GPC5: variants seen among roughly 807,000 people sequenced by gnomAD.
GPC5 encodes glypican-5.
In GPC5, 47 loss-of-function variants were observed where a neutral mutation model predicts 53.9. The ratio of observed to expected loss-of-function variants is 0.87; its 90% CI spans 0.69 to 1.11. GPC5 has a LOEUF of 1.11. GPC5 is among the 50% of genes most tolerant of loss of function. GPC5 has a pLI of 0.00. For synonymous variants in GPC5, 286 were observed against 263.3 expected (o/e 1.09, Z -0.84); for missense variants, 748 against 713.1 (o/e 1.05, Z -0.56).
At chr13:92,629,297 T>A (rs1885158851) in intron 7 of GPC5, among the ~76,000 whole-genome samples, 1 of 152,208 alleles carries the variant, frequency 6.6e-6, no homozygotes, top group South Asian at 2.1e-4. Flanking sequence ...TTAACTTGAC[T>A]GGAGGAAGAC....
At chr13:92,741,910 T>G (rs1417251100) in intron 7 of GPC5, among the ~76,000 whole-genome samples, 1 of 152,162 alleles carries the variant, frequency 6.6e-6, no homozygotes, top group Non-Finnish European at 1.5e-5. Flanking sequence ...ACAAAGGACA[T>G]GAACCCATCC....
chr13:92,354,305 A>G (rs2043504680), intron 7 of GPC5, among the ~76,000 whole-genome samples: 1 of 152,238 alleles, frequency 6.6e-6, no homozygotes, highest in Non-Finnish European at 1.5e-5. Context: ...TTGATACAAC[A>G]ACAGTAATAT....
chr13:91,840,811 T>G (rs1161711585), intron 5 of GPC5, among the ~76,000 whole-genome samples: 3 of 151,820 alleles, frequency 2.0e-5, no homozygotes, highest in Non-Finnish European at 4.4e-5. Context: ...GTATCCATTT[T>G]AAACACTTGG....
Position 91,959,098 on chromosome 13 carries a change from AC to A in GPC5, c.1401+51042del, listed in dbSNP as rs1566364067. ...CACACACACACACACACACACACAC[AC>A]ACATCAATGATGAAACAGAAAGTTG... On this transcript the variant is annotated intron_variant, in intron 6 of 7. Coordinates refer to ENST00000377067, the MANE Select transcript of GPC5 (RefSeq NM_004466.6). Among the ~76,000 whole-genome samples the A allele has an allele frequency of 9.0e-4, 134 of 149,430 alleles. 1 individual carries two copies. Among genetic ancestry groups the A allele is most frequent in the African/African-American group, 3.3e-3 (130 of 39,760 alleles).
intron 2 of GPC5, among the ~76,000 whole-genome samples, chr13:91,652,691 T>G (rs1387710122): frequency 6.6e-6 from 1 of 152,170 alleles, no homozygotes; most frequent in Non-Finnish European, 1.5e-5. Flanking sequence ...ATTCTGGAAT[T>G]TTCCATTTAA....
chr13:92,246,171 G>T (rs2042649220), intron 7 of GPC5, among the ~76,000 whole-genome samples: 1 of 152,052 alleles, frequency 6.6e-6, no homozygotes, highest in African/African-American at 2.4e-5. Context: ...CTATTCCAAA[G>T]TAGCAACATA....
chr13:91,457,287 TTCAAGACCC>T (rs1881630180), intron 2 of GPC5, among the ~76,000 whole-genome samples: 1 of 152,120 alleles, frequency 6.6e-6, no homozygotes, highest in Non-Finnish European at 1.5e-5. Context: ...GGTTTGTTTT[TTCAAGACCC>T]TACAAAATTT....
Position 92,385,539 on chromosome 13 carries a change from T to TGCATATATACATATAC in GPC5, c.1561+240565_1561+240566insCGCATATATACATATA, listed in dbSNP as rs1555331957. 5.0e-4 allele frequency among the ~76,000 whole-genome samples: 62 copies of TGCATATATACATATAC among 124,124 alleles called. 4 individuals are homozygous for TGCATATATACATATAC. The highest frequency in any genetic ancestry group is 1.9e-3 in the South Asian group (8 of 4,196). The allele number at this position is 124,124 out of a possible 152,430, so 81.4% of individuals were successfully genotyped here. A position where few individuals can be genotyped will look rare whatever the true frequency, so the allele number is the denominator to read the frequency against. On this transcript the variant is annotated intron_variant, in intron 7 of 7. Transcript: ENST00000377067. ...ACATACATATGCATATATACATATA[T>TGCATATATACATATAC]GCATATATACATATATGCATATATA...
At chr13:91,656,802 T>A (rs2034856344) in intron 2 of GPC5, among the ~76,000 whole-genome samples, 1 of 152,214 alleles carries the variant, frequency 6.6e-6, no homozygotes, top group African/African-American at 2.4e-5. Flanking sequence ...ATACCAATTG[T>A]GTTTGTCCAT....
intron 2 of GPC5, among the ~76,000 whole-genome samples, chr13:91,667,503 A>G (rs746615050): frequency 2.8e-4 from 42 of 152,192 alleles, no homozygotes; most frequent in Non-Finnish European, 5.4e-4. Flanking sequence ...GGTGAGTTCG[A>G]GCTGCAGCTG....
chr13:92,003,325 CAA>C (rs57075719), intron 6 of GPC5, among the ~76,000 whole-genome samples: 1,041 of 100,172 alleles, frequency 0.01, 8 homozygotes, highest in African/African-American at 0.02. Flanking sequence ...TGTCTTAACA[CAA>C]AAAAAAAAAA....
At chr13:92,489,560 A>G (rs1364651640) in intron 7 of GPC5, among the ~76,000 whole-genome samples, 1 of 152,100 alleles carries the variant, frequency 6.6e-6, no homozygotes, top group African/African-American at 2.4e-5. Context: ...TGGAGTAGAT[A>G]ACTGAAGGAA....
chr13:92,598,962 A>G (rs1007486214), intron 7 of GPC5, among the ~76,000 whole-genome samples: 21 of 152,218 alleles, frequency 1.4e-4, no homozygotes, highest in African/African-American at 4.8e-4. Context: ...TAAACCCTTT[A>G]ACCTCAAATG....
intron 7 of GPC5, among the ~76,000 whole-genome samples, chr13:92,417,909 A>G (rs1876385692): frequency 6.6e-6 from 1 of 152,132 alleles, no homozygotes; most frequent in Admixed American, 6.6e-5. Context: ...AAAAAACCCA[A>G]ATGTCTATCA....
At chr13:92,167,398 A>G (rs1282976988) in intron 7 of GPC5, among the ~76,000 whole-genome samples, 1 of 152,234 alleles carries the variant, frequency 6.6e-6, no homozygotes, top group African/African-American at 2.4e-5. Flanking sequence ...ATAAAACTTC[A>G]GATTCCACAG....
At chr13:92,150,299 AAAT>A (rs2041898363) in intron 7 of GPC5, among the ~76,000 whole-genome samples, 4 of 88,916 alleles carry the variant, frequency 4.5e-5, no homozygotes, top group Non-Finnish European at 8.9e-5. Flanking sequence ...AAAAATTCAC[AAAT>A]AAACACTTGC....
In GPC5 at chr13:91,629,365, G is replaced by T. The variant is rs1011618330; in HGVS notation, c.326-63822G>T. ...ATTTAAATTTATTTTTTTTCAGGCT[G>T]GGCATGATGGCTCACGCCTGTAATC... On this transcript the variant is annotated intron_variant, in intron 2 of 7. Transcript: ENST00000377067. Among the ~76,000 whole-genome samples the T allele has an allele frequency of 7.2e-5, 11 of 152,110 alleles. No individual in the cohort carries two copies. The South Asian group carries it at 8.3e-4, about 11-fold the overall frequency.
chr13:92,609,509 A>G (rs1224510260), intron 7 of GPC5, among the ~76,000 whole-genome samples: 2 of 152,160 alleles, frequency 1.3e-5, no homozygotes, highest in African/African-American at 4.8e-5. Flanking sequence ...TTTACTATTC[A>G]ATGTGTAAGC....
intron 6 of GPC5, among the ~76,000 whole-genome samples, chr13:92,041,040 C>T (rs915556761): frequency 6.6e-6 from 1 of 151,780 alleles, no homozygotes; most frequent in Non-Finnish European, 1.5e-5. Context: ...TTAGGAGAGA[C>T]AGGGTTTCAC....
Sources: gnomAD v4.1 joint callset for allele counts (sites outside exome capture counted in the v4.1 genomes callset) on GRCh38, gnomAD v4.1.1 for gene constraint, MANE v1.5 for transcripts, NCBI Gene and HGNC (gene_info 2026-07-23, HGNC 2026-07-21) for gene names.